The following SMYD3 variants were observed in gnomAD, a reference collection of about 807,000 sequenced individuals.
SMYD3 encodes SET and MYND domain containing 3.
Under a neutral mutation model 57.7 loss-of-function variants are expected in SMYD3, and 36 were observed. That is an observed-to-expected ratio of 0.62 (90% CI 0.48 to 0.82). The LOEUF (loss-of-function observed/expected upper bound fraction) is 0.82. Ranked by LOEUF, SMYD3 falls within the 40% of genes least tolerant of loss-of-function variation. SMYD3 has a pLI of 0.00. For synonymous variants in SMYD3, 211 were observed against 195.0 expected (o/e 1.08, Z -0.68); for missense variants, 515 against 538.8 (o/e 0.96, Z 0.44).
At chr1:245,948,254 ACAG>A (rs1400860302) in intron 5 of SMYD3, among the ~76,000 whole-genome samples, 2 of 152,214 alleles carry the variant, frequency 1.3e-5, no homozygotes, top group African/African-American at 2.4e-5. Context: ...GCAACTGGAA[ACAG>A]CAGGACGGAA....
intron 8 of SMYD3, among the ~76,000 whole-genome samples, chr1:245,894,107 TTC>T (rs2053581275): frequency 1.3e-5 from 2 of 152,142 alleles, no homozygotes; most frequent in African/African-American, 4.8e-5. Context: ...TGGAGAACTT[TTC>T]TGTCTTACAA....
At chr1:245,807,485 A>G (rs2048240325) in intron 10 of SMYD3, among the ~76,000 whole-genome samples, 1 of 152,186 alleles carries the variant, frequency 6.6e-6, no homozygotes, top group Non-Finnish European at 1.5e-5. Flanking sequence ...ACAACTCAGG[A>G]CTGTACCCCA....
At chr1:246,360,444 GA>G (rs201522573) in intron 1 of SMYD3, among the ~76,000 whole-genome samples, 9 of 147,942 alleles carry the variant, frequency 6.1e-5, no homozygotes, top group East Asian at 3.9e-4. Flanking sequence ...CACAAAACTA[GA>G]AAAAAAAAAT....
rs556351413 is a variant in SMYD3, at chr1:246,441,864, G to A, written c.164+65190C>T. 7.0e-4 allele frequency among the ~76,000 whole-genome samples: 107 copies of A among 152,268 alleles called. 1 individual carries two copies. Among genetic ancestry groups the A allele is most frequent in the African/African-American group, 1.8e-3 (75 of 41,558 alleles). ...TGGCCTCAAGTGATCCTCCCGCCTC[G>A]GGCCCCCAGGGTGCTGGGACTACAG... is the stretch of plus-strand genomic sequence containing the variant. On this transcript the variant is annotated intron_variant, in intron 1 of 11. Coordinates refer to ENST00000490107, the MANE Select transcript of SMYD3 (RefSeq NM_001167740.2).
At chr1:246,148,583 C>A (rs2061893706) in intron 5 of SMYD3, among the ~76,000 whole-genome samples, 1 of 152,044 alleles carries the variant, frequency 6.6e-6, no homozygotes, top group South Asian at 2.1e-4. Context: ...AGCGACACCC[C>A]GAAGATCACA....
chr1:246,056,401 C>G (rs1231301474), intron 5 of SMYD3, among the ~76,000 whole-genome samples: 9 of 152,020 alleles, frequency 5.9e-5, no homozygotes, highest in Non-Finnish European at 1.5e-5. Flanking sequence ...ATATGTTACT[C>G]CAATAAGCCT....
chr1:246,364,376 G>A (rs756013678), intron 1 of SMYD3, among the ~76,000 whole-genome samples: 5 of 152,122 alleles, frequency 3.3e-5, no homozygotes, highest in Non-Finnish European at 7.4e-5. Flanking sequence ...TGACAAAACA[G>A]AACAGCTCTT....
At chr1:245,944,260 G>C (rs1436878687) in intron 5 of SMYD3, among the ~76,000 whole-genome samples, 1 of 151,982 alleles carries the variant, frequency 6.6e-6, no homozygotes, top group Non-Finnish European at 1.5e-5. Context: ...AAGCCTAAAA[G>C]CTTCTTAAGC....
chr1:246,211,207 T>C (rs986193252), intron 5 of SMYD3, among the ~76,000 whole-genome samples: 1 of 152,178 alleles, frequency 6.6e-6, no homozygotes, highest in Non-Finnish European at 1.5e-5. Context: ...TGGGATTTGT[T>C]TGATGAAGAA....
chr1:246,333,533 A>C (rs1470150999), intron 3 of SMYD3, among the ~76,000 whole-genome samples: 2 of 152,182 alleles, frequency 1.3e-5, no homozygotes, highest in Non-Finnish European at 2.9e-5. Flanking sequence ...AGAATCTATA[A>C]GGAACTTAAG....
chr1:246,445,311 A>G (rs1053874378), intron 1 of SMYD3, among the ~76,000 whole-genome samples: 4 of 152,212 alleles, frequency 2.6e-5, no homozygotes, highest in African/African-American at 9.6e-5. Flanking sequence ...TTTTGCCAGC[A>G]GTTTAGACTA....
chr1:245,981,268 C>T (rs2058590783), intron 5 of SMYD3, among the ~76,000 whole-genome samples: 1 of 152,204 alleles, frequency 6.6e-6, no homozygotes, highest in Non-Finnish European at 1.5e-5. Context: ...CTGGGCTAGA[C>T]CAGTGTCCCG....
At chr1:245,963,574 G>GT (rs1217804535) in intron 5 of SMYD3, among the ~76,000 whole-genome samples, 1 of 151,666 alleles carries the variant, frequency 6.6e-6, no homozygotes, top group Non-Finnish European at 1.5e-5. Flanking sequence ...CTCGCAGTGA[G>GT]TATCAGAGAA....
At chr1:246,112,548 A>G (rs2061262725) in intron 5 of SMYD3, among the ~76,000 whole-genome samples, 1 of 152,232 alleles carries the variant, frequency 6.6e-6, no homozygotes, top group Non-Finnish European at 1.5e-5. Context: ...ATTGCTAACA[A>G]AAAAGGGATC....
intron 2 of SMYD3, among the ~76,000 whole-genome samples, chr1:246,352,037 T>G (rs2065836460): frequency 1.4e-5 from 2 of 146,484 alleles, no homozygotes; most frequent in Non-Finnish European, 3.0e-5. Flanking sequence ...CTGGGGAGGC[T>G]GAGGCCCAAG....
At chr1:245,908,752 C>T (rs1390075357) in intron 8 of SMYD3, among the ~76,000 whole-genome samples, 1 of 152,078 alleles carries the variant, frequency 6.6e-6, no homozygotes, top group Non-Finnish European at 1.5e-5. Flanking sequence ...AGATCAAAAA[C>T]TTTATTCAAA....
chr1:245,848,898 G>A (rs2050806185), intron 10 of SMYD3, among the ~76,000 whole-genome samples: 1 of 152,192 alleles, frequency 6.6e-6, no homozygotes, highest in Non-Finnish European at 1.5e-5. Flanking sequence ...CAGAGAGAAA[G>A]TATATGAGCC....
intron 5 of SMYD3, among the ~76,000 whole-genome samples, chr1:246,131,500 A>G (rs1365771853): frequency 1.3e-5 from 2 of 152,238 alleles, no homozygotes; most frequent in Non-Finnish European, 2.9e-5. Context: ...CTCTACCATG[A>G]TAATAACAAG....
intron 10 of SMYD3, among the ~76,000 whole-genome samples, chr1:245,854,158 C>T (rs1454048504): frequency 3.9e-5 from 6 of 152,162 alleles, no homozygotes; most frequent in African/African-American, 1.2e-4. Context: ...GGCCCTAATA[C>T]GTTTTGAAAT....
Sources: gnomAD v4.1 joint callset for allele counts (sites outside exome capture counted in the v4.1 genomes callset) on GRCh38, gnomAD v4.1.1 for gene constraint, MANE v1.5 for transcripts, NCBI Gene and HGNC (gene_info 2026-07-23, HGNC 2026-07-21) for gene names.